Variants in MMP24 observed in about 807,000 individuals in gnomAD.
The protein encoded by MMP24 is matrix metallopeptidase 24.
MMP24 carries 25 observed loss-of-function variants against 62.8 expected under a neutral mutation model. The observed-to-expected ratio is 0.40, with a 90% CI of 0.29 to 0.56. The LOEUF (loss-of-function observed/expected upper bound fraction) is 0.56. MMP24 is among the 20% of genes least tolerant of loss of function. The pLI is 0.50. For synonymous variants in MMP24, 319 were observed against 350.5 expected, an observed-to-expected ratio of 0.91 and a Z score of 1.00; for missense variants, 634 against 853.6, an observed-to-expected ratio of 0.74 and a Z score of 3.21.
chr20:35,249,166 A>C (rs2060531763), intron 2 of MMP24, among the ~76,000 whole-genome samples: 1 of 152,180 alleles, frequency 6.6e-6, no homozygotes, highest in Non-Finnish European at 1.5e-5. Context: ...TAGAGCCCCA[A>C]GATGCAGCTC....
rs117106254 is a variant in MMP24, at chr20:35,264,819, T to C, written c.979+867T>C. Among the ~76,000 whole-genome samples, 486 of 151,846 alleles carry C rather than the reference T, an allele frequency of 3.2e-3. 1 individual carries two copies. The highest frequency in any genetic ancestry group is 0.031 in the Middle Eastern group (9 of 290). On this transcript the variant is annotated intron_variant, in intron 5 of 8. Transcript: ENST00000246186. The stretch of plus-strand genomic sequence containing the variant: ...CTCCTACACACCTCTCTCCCAGTTC[T>C]GTTCACACTGGTATGTGAGGTTCTT...
chr20:35,236,046 G>C (rs1028189145), intron 1 of MMP24: 2 of 152,286 alleles, frequency 1.3e-5, no homozygotes, highest in African/African-American at 2.4e-5. Context: ...AGGACATTCT[G>C]CAGAGCGCCA....
chr20:35,264,573 T>G (rs1338003282), intron 5 of MMP24, among the ~76,000 whole-genome samples: 2 of 150,896 alleles, frequency 1.3e-5, no homozygotes, highest in African/African-American at 4.8e-5. Flanking sequence ...CCAGGTGTGG[T>G]GGTGGGCAAG....
intron 8 of MMP24, among the ~76,000 whole-genome samples, chr20:35,272,430 G>A (rs759078237): frequency 6.6e-6 from 1 of 152,116 alleles, no homozygotes; most frequent in Non-Finnish European, 1.5e-5. Flanking sequence ...TAGCAACAGG[G>A]TTTCACTATG....
At chr20:35,267,484 T>C in intron 6 of MMP24, 65 bp downstream of exon 6, 2 of 1,461,724 alleles carry the variant, frequency 1.4e-6, no homozygotes, top group Non-Finnish European at 9.3e-7. Flanking sequence ...CCCGACATCA[T>C]GGAGCTGGGG....
At chr20:35,273,439 G>A (rs1875064487) in intron 8 of MMP24, among the ~76,000 whole-genome samples, 2 of 151,972 alleles carry the variant, frequency 1.3e-5, no homozygotes, top group Admixed American at 6.6e-5. Flanking sequence ...AGAGCAACGA[G>A]CTAGAGGGGG....
In MMP24 at chr20:35,249,835, C is replaced by T. The variant is rs112109853; in HGVS notation, c.396-2070C>T. On this transcript the variant is annotated intron_variant, in intron 2 of 8. Coordinates refer to ENST00000246186, the MANE Select transcript of MMP24 (RefSeq NM_006690.4). ...GTCTCGATCTCCTGACCTCGTGATCCGCCCGCCTCGGCCTCCCAAAGTGCT... is the reference window on the plus strand; with the variant it reads ...GTCTCGATCTCCTGACCTCGTGATCTGCCCGCCTCGGCCTCCCAAAGTGCT... Among the ~76,000 whole-genome samples the T allele has an allele frequency of 7.4e-3, 1,129 of 152,044 alleles. 22 individuals are homozygous for T. The highest frequency in any genetic ancestry group is 0.024 in the African/African-American group (984 of 41,474).
chr20:35,234,196 T>G (rs1278703404), intron 1 of MMP24, among the ~76,000 whole-genome samples: 2 of 152,164 alleles, frequency 1.3e-5, no homozygotes, highest in Non-Finnish European at 2.9e-5. Context: ...ATTCTCAGCC[T>G]TCACCTAGCC....
intron 2 of MMP24, among the ~76,000 whole-genome samples, chr20:35,247,484 C>T (rs779951780): frequency 6.6e-6 from 1 of 152,150 alleles, no homozygotes; most frequent in Non-Finnish European, 1.5e-5. Flanking sequence ...CATCTAGCCA[C>T]ACCAGTCTAG....
rs780727359 is a variant in MMP24, at chr20:35,275,307, C to T, written c.*698C>T. On this transcript the variant is annotated 3_prime_UTR_variant, in exon 9 of 9. Transcript: ENST00000246186. ...TCGTGAATATTTAAATGTCCTGTCACTACTGTCCCATTTTGCAAAGGCTGC... is the reference window on the plus strand; with the variant it reads ...TCGTGAATATTTAAATGTCCTGTCATTACTGTCCCATTTTGCAAAGGCTGC... 1 of 152,438 alleles carries T rather than the reference C, an allele frequency of 6.6e-6. No homozygotes were observed. Among genetic ancestry groups the T allele is most frequent in the Non-Finnish European group, 1.5e-5 (1 of 68,266 alleles). 9.4% of individuals were successfully genotyped at this position (152,438 alleles called of 1,614,324 possible). A position where few individuals can be genotyped will look rare whatever the true frequency, so the allele number is the denominator to read the frequency against.
At chr20:35,266,628 A>G (rs1198589626) in intron 5 of MMP24, among the ~76,000 whole-genome samples, 1 of 152,178 alleles carries the variant, frequency 6.6e-6, no homozygotes, top group African/African-American at 2.4e-5. Flanking sequence ...AAGTGTTTCT[A>G]TGAATCTTGC....
At chr20:35,257,604 A>G (rs1238532139) in intron 4 of MMP24, among the ~76,000 whole-genome samples, 1 of 152,064 alleles carries the variant, frequency 6.6e-6, no homozygotes, top group Non-Finnish European at 1.5e-5. Flanking sequence ...GGGGGTGTGC[A>G]CTTCCCACAC....
At chr20:35,240,514 G>A (rs1410614343) in intron 1 of MMP24, among the ~76,000 whole-genome samples, 1 of 152,232 alleles carries the variant, frequency 6.6e-6, no homozygotes, top group South Asian at 2.1e-4. Flanking sequence ...GGATCTAGGT[G>A]TAAAGAGATG....
chr20:35,262,451 A>G (rs1207332478), intron 4 of MMP24, among the ~76,000 whole-genome samples: 1 of 151,574 alleles, frequency 6.6e-6, no homozygotes, highest in Non-Finnish European at 1.5e-5. Flanking sequence ...ATGCATACAC[A>G]TAAACATCTC....
chr20:35,235,828 C>T (rs1250885919), intron 1 of MMP24, among the ~76,000 whole-genome samples: 4 of 151,986 alleles, frequency 2.6e-5, no homozygotes, highest in African/African-American at 7.3e-5. Flanking sequence ...AGCAGATCTG[C>T]GGGAGGGCCT....
chr20:35,263,676 C>T, intron 4 of MMP24, 115 bp from the exon 5 acceptor site: 1 of 856,240 alleles, frequency 1.2e-6, no homozygotes, highest in Non-Finnish European at 1.7e-6. Context: ...TCCCTGGTGT[C>T]CAGCACGGGG....
At position 35,267,257 on chromosome 20, in the gene MMP24, C is replaced by G. The variant is rs2060640729; in HGVS notation, c.1032C>G (p.Val344=). The change falls in exon 6 of 9, where the codon GTC becomes GTG. Residue 344 remains valine, a synonymous_variant. Transcript: ENST00000246186. ...CAAGGCCACTCCCTACACTCCCCGT[C>G]CGCAGGATCCACTCACCATCGGAGA... ...EPTRPLPTLP[V]RRIHSPSERK... 4 of 1,606,632 alleles carry G rather than the reference C, an allele frequency of 2.5e-6. No homozygotes were observed. The East Asian group carries it at 9.0e-5, about 36-fold the overall frequency.
In MMP24 at chr20:35,276,524, T is replaced by TG. The variant is rs1227383105; in HGVS notation, c.*1917dup. The TG allele has an allele frequency of 7.8e-6, 3 of 385,176 alleles. No homozygotes were observed. In the Admixed American group the frequency reaches 1.4e-4, roughly 17 times the overall value. The allele number at this position is 385,176 out of a possible 1,614,324, so 23.9% of individuals were successfully genotyped here. A position where few individuals can be genotyped will look rare whatever the true frequency, so the allele number is the denominator to read the frequency against. ...TGGCTGGGTCTTGTGTCCCCATCTG[T>TG]GGACCCCTCTAGGGTCTGAGATGAG... On this transcript the variant is annotated 3_prime_UTR_variant, in exon 9 of 9. Transcript: ENST00000246186.
At chr20:35,240,975 C>T (rs2060485771) in intron 1 of MMP24, among the ~76,000 whole-genome samples, 1 of 152,178 alleles carries the variant, frequency 6.6e-6, no homozygotes, top group Non-Finnish European at 1.5e-5. Context: ...GTAAAGAGGG[C>T]ACCCACTAGC....
Sources: gnomAD v4.1 joint callset for allele counts (sites outside exome capture counted in the v4.1 genomes callset) on GRCh38, gnomAD v4.1.1 for gene constraint, MANE v1.5 for transcripts, NCBI Gene and HGNC (gene_info 2026-07-23, HGNC 2026-07-21) for gene names.